Variants in TRIO observed in about 807,000 individuals in gnomAD.
TRIO encodes the protein trio Rho guanine nucleotide exchange factor, also known as triple functional domain protein.
A neutral mutation model predicts 351.9 loss-of-function variants in TRIO; 58 were observed. That is an observed-to-expected ratio of 0.16 (90% CI 0.13 to 0.21). TRIO has a LOEUF of 0.21. Among genes scored for constraint, TRIO ranks in the 10% least tolerant of loss-of-function variants. TRIO has a pLI of 1.00. For synonymous variants in TRIO, 1,758 were observed against 1,595.7 expected (o/e 1.10, Z -2.42); for missense variants, 3,201 against 4,027.8 (o/e 0.79, Z 5.56).
chr5:14,338,768 G>A (rs1741660813), intron 11 of TRIO, among the ~76,000 whole-genome samples: 1 of 152,188 alleles, frequency 6.6e-6, no homozygotes, highest in African/African-American at 2.4e-5. Flanking sequence ...CAGGAAGAGT[G>A]TCAGGCAGCT....
At chr5:14,362,509 G>A (rs901819960) in intron 13 of TRIO, among the ~76,000 whole-genome samples, 1 of 152,076 alleles carries the variant, frequency 6.6e-6, no homozygotes, top group African/African-American at 2.4e-5. Context: ...TTCTTTTCAT[G>A]CCATCATTTG....
intron 26 of TRIO, 185 bp downstream of exon 26, chr5:14,390,485 A>T (rs553729867): frequency 1.3e-5 from 8 of 613,828 alleles, no homozygotes; most frequent in Non-Finnish European, 2.3e-5. Context: ...GAGTTTTTTT[A>T]TTGGCCCTGG....
chr5:14,449,518 G>A (rs1399261775), intron 34 of TRIO, among the ~76,000 whole-genome samples: 1 of 152,192 alleles, frequency 6.6e-6, no homozygotes, highest in Admixed American at 6.5e-5. Context: ...CTTGTTGCTC[G>A]GCTGCTGGTC....
At chr5:14,435,045 C>A (rs144702522) in intron 34 of TRIO, among the ~76,000 whole-genome samples, 2 of 152,202 alleles carry the variant, frequency 1.3e-5, no homozygotes, top group Non-Finnish European at 2.9e-5. Context: ...TATCCTGAGA[C>A]GTCTCCCTGT....
chr5:14,383,119 T>C (rs957915508), intron 21 of TRIO, among the ~76,000 whole-genome samples: 7 of 152,224 alleles, frequency 4.6e-5, no homozygotes, highest in African/African-American at 1.4e-4. Context: ...GCCAGGAGTT[T>C]GAGACCAGCT....
At chr5:14,168,709 A>G (rs1283287652) in intron 1 of TRIO, among the ~76,000 whole-genome samples, 1 of 152,192 alleles carries the variant, frequency 6.6e-6, no homozygotes, top group Non-Finnish European at 1.5e-5. Context: ...GGTGAGTGCC[A>G]TGGTTTGTGA....
chr5:14,470,520 GA>G (rs1415640858), intron 37 of TRIO, among the ~76,000 whole-genome samples: 2 of 152,178 alleles, frequency 1.3e-5, no homozygotes, highest in African/African-American at 4.8e-5. Context: ...TTACCAAATT[GA>G]AAGCAATCAG....
At chr5:14,222,819 A>G (rs1271716235) in intron 1 of TRIO, among the ~76,000 whole-genome samples, 1 of 152,178 alleles carries the variant, frequency 6.6e-6, no homozygotes, top group Non-Finnish European at 1.5e-5. Flanking sequence ...AGACTTGGTG[A>G]CTTCTAACAT....
At chr5:14,252,794 G>A (rs946246231) in intron 1 of TRIO, among the ~76,000 whole-genome samples, 19 of 151,402 alleles carry the variant, frequency 1.3e-4, no homozygotes, top group Admixed American at 1.1e-3. Context: ...AGAGAGGGAC[G>A]AGGTTGTGCA....
At chr5:14,308,752 TCCATCCAATTAC>T (rs1417239011) in intron 8 of TRIO, among the ~76,000 whole-genome samples, 5 of 122,972 alleles carry the variant, frequency 4.1e-5, no homozygotes, top group South Asian at 2.5e-4. Context: ...CATCCATCCA[TCCATCCAATTAC>T]CCATCCATTC....
intron 8 of TRIO, among the ~76,000 whole-genome samples, chr5:14,311,243 A>G (rs1738902872): frequency 6.6e-6 from 1 of 152,250 alleles, no homozygotes; most frequent in Non-Finnish European, 1.5e-5. Context: ...GGGCTGCTCC[A>G]GACGTTTCCT....
chr5:14,208,749 C>A (rs749429392), intron 1 of TRIO, among the ~76,000 whole-genome samples: 1 of 152,226 alleles, frequency 6.6e-6, no homozygotes, highest in African/African-American at 2.4e-5. Context: ...TTCATCAGAC[C>A]TTGTTCAAAT....
intron 34 of TRIO, among the ~76,000 whole-genome samples, chr5:14,439,861 G>A (rs374025231): frequency 7.9e-5 from 12 of 152,238 alleles, no homozygotes; most frequent in African/African-American, 2.9e-4. Flanking sequence ...CCGTTGGAGC[G>A]CCTGAGACAG....
chr5:14,257,455 A>G (rs1426945254), intron 1 of TRIO, among the ~76,000 whole-genome samples: 1 of 151,996 alleles, frequency 6.6e-6, no homozygotes, highest in Non-Finnish European at 1.5e-5. Flanking sequence ...AATTTTGCTC[A>G]CGTGGTTTTT....
intron 1 of TRIO, among the ~76,000 whole-genome samples, chr5:14,221,342 C>T (rs888978822): frequency 5.9e-5 from 9 of 152,202 alleles, no homozygotes; most frequent in Non-Finnish European, 8.8e-5. Context: ...ACACAACATC[C>T]GTACTGCAGC....
At chr5:14,184,022 C>T (rs568200390) in intron 1 of TRIO, 12 of 694,306 alleles carry the variant, frequency 1.7e-5, no homozygotes, top group East Asian at 2.7e-5. Context: ...ATGTGTGGCT[C>T]GAGGGTTTCT....
chr5:14,456,557 A>G (rs1561512240), intron 34 of TRIO, among the ~76,000 whole-genome samples: 1 of 152,236 alleles, frequency 6.6e-6, no homozygotes, highest in Admixed American at 6.5e-5. Flanking sequence ...AAAGGACAGG[A>G]GCATGCCTGC....
intron 2 of TRIO, among the ~76,000 whole-genome samples, chr5:14,277,588 C>G (rs148064360): frequency 3.3e-5 from 5 of 152,296 alleles, no homozygotes; most frequent in Admixed American, 2.0e-4. Flanking sequence ...ATGAGTGTAT[C>G]TAATAGGTGA....
chr5:14,439,162 T>A (rs934708007), intron 34 of TRIO, among the ~76,000 whole-genome samples: 3 of 152,212 alleles, frequency 2.0e-5, no homozygotes, highest in African/African-American at 7.2e-5. Context: ...ATTATAAGCA[T>A]GTGCCGTCAT....
Sources: allele counts gnomAD v4.1 joint callset (sites outside exome capture counted in the v4.1 genomes callset), GRCh38; gene constraint gnomAD v4.1.1; transcripts MANE v1.5; gene names NCBI Gene and HGNC (gene_info 2026-07-23, HGNC 2026-07-21).